Variants in TBC1D19 observed in about 807,000 individuals in gnomAD.
TBC1D19 encodes the protein TBC1 domain family member 19.
In TBC1D19, 60 loss-of-function variants were observed where a neutral mutation model predicts 89.0. The observed-to-expected ratio is 0.67, with a 90% confidence interval of 0.55 to 0.84. The LOEUF is 0.84. TBC1D19 is among the 40% of genes least tolerant of loss of function. TBC1D19 has a pLI of 0.00. For missense variants in TBC1D19, 500 were observed against 610.8 expected, an observed-to-expected ratio of 0.82 and a Z score of 1.91; for synonymous variants, 189 against 199.7, an observed-to-expected ratio of 0.95 and a Z score of 0.45.
the TBC1D19 span, among the ~76,000 whole-genome samples, chr4:26,783,404 A>T: frequency 6.6e-6 from 1 of 152,218 alleles, no homozygotes. Context: ...ACTGACAATG[A>T]CTTGCCATAT....
the TBC1D19 span, among the ~76,000 whole-genome samples, chr4:26,793,702 GAC>G: frequency 7.8e-6 from 1 of 127,658 alleles, no homozygotes; most frequent in South Asian, 2.6e-4. Flanking sequence ...CAGCCTGGGA[GAC>G]AGAGTGGGAC....
chr4:26,666,436 T>C, intron 9 of TBC1D19, 31 bp downstream of exon 9: 1 of 1,577,036 alleles, frequency 6.3e-7, no homozygotes, highest in South Asian at 1.1e-5. Context: ...ATATAATTAA[T>C]GATAAATGAG....
At chr4:26,778,310 G>T in the TBC1D19 span, among the ~76,000 whole-genome samples, 2 of 152,044 alleles carry the variant, frequency 1.3e-5, no homozygotes, top group Non-Finnish European at 2.9e-5. Flanking sequence ...CAGCTACTCG[G>T]GAGGCTGAGG....
At chr4:26,749,889 T>A (rs571805587) in intron 19 of TBC1D19, among the ~76,000 whole-genome samples, 289 of 152,286 alleles carry the variant, frequency 1.9e-3, no homozygotes, top group African/African-American at 6.6e-3. Flanking sequence ...TCAATTTTTT[T>A]AAAAACCTAT....
chr4:26,670,086 A>G (rs1352092413), intron 9 of TBC1D19, among the ~76,000 whole-genome samples: 2 of 151,688 alleles, frequency 1.3e-5, no homozygotes, highest in African/African-American at 4.8e-5. Flanking sequence ...CTGCAGTATT[A>G]CATCTGCTGT....
chr4:26,740,034 G>A, intron 17 of TBC1D19, 61 bp downstream of exon 17: 1 of 1,144,444 alleles, frequency 8.7e-7, no homozygotes, highest in East Asian at 2.8e-5. Flanking sequence ...CTTTCTTTCT[G>A]TTAAGAAAAA....
the TBC1D19 span, among the ~76,000 whole-genome samples, chr4:26,802,099 G>T: frequency 1.3e-5 from 2 of 151,940 alleles, no homozygotes; most frequent in African/African-American, 4.8e-5. Flanking sequence ...CCATCCCATA[G>T]GAACAAAAGC....
chr4:26,636,360 C>T (rs1743121441), intron 4 of TBC1D19, among the ~76,000 whole-genome samples: 1 of 151,388 alleles, frequency 6.6e-6, no homozygotes, highest in Non-Finnish European at 1.5e-5. Flanking sequence ...AACTTAATTT[C>T]CATGTTATAA....
the TBC1D19 span, among the ~76,000 whole-genome samples, chr4:26,836,218 G>A: frequency 2.6e-3 from 398 of 152,190 alleles, 3 homozygotes; most frequent in African/African-American, 9.2e-3. Context: ...TTAATTGTAC[G>A]TCTCCTCAAC....
At chr4:26,851,872 C>T in the TBC1D19 span, among the ~76,000 whole-genome samples, 26 of 152,288 alleles carry the variant, frequency 1.7e-4, no homozygotes, top group Middle Eastern at 3.4e-3. Context: ...TGTGCCACCA[C>T]GCTCAGCTAT....
At chr4:26,842,583 C>CCTCCCTTTCTTTCTTT in the TBC1D19 span, among the ~76,000 whole-genome samples, 3 of 70,610 alleles carry the variant, frequency 4.2e-5, no homozygotes, top group East Asian at 3.9e-4. Context: ...TTCCTCCCTC[C>CCTCCCTTTCTTTCTTT]CTTTCTTTCT....
rs149879100 is a variant in TBC1D19 at position 26,655,560 on chromosome 4, C to T, written c.481-4037C>T. 4.0e-3 allele frequency among the ~76,000 whole-genome samples: 613 copies of T among 152,348 alleles called. 2 individuals carry two copies. Among genetic ancestry groups the T allele is most frequent in the South Asian group, 0.026 (125 of 4,826 alleles). On this transcript the variant is annotated intron_variant, in intron 7 of 20. Transcript: ENST00000264866. ...TGGCTGCTTTGTTTACCTAGTCAAG[C>T]GTTGGCAATGGCACGCGCCCCTCTC...
At chr4:26,844,764 A>G in the TBC1D19 span, among the ~76,000 whole-genome samples, 1 of 152,122 alleles carries the variant, frequency 6.6e-6, no homozygotes, top group African/African-American at 2.4e-5. Context: ...TAATGGTACC[A>G]CTATTTTTTT....
the TBC1D19 span, among the ~76,000 whole-genome samples, chr4:26,821,820 G>A: frequency 1.3e-5 from 2 of 152,330 alleles, no homozygotes; most frequent in African/African-American, 2.4e-5. Flanking sequence ...TTCTTTATGT[G>A]TGGCAGACCT....
intron 3 of TBC1D19, among the ~76,000 whole-genome samples, chr4:26,619,000 G>A (rs1741867841): frequency 6.6e-6 from 1 of 152,078 alleles, no homozygotes; most frequent in East Asian, 1.9e-4. Flanking sequence ...ATTTTAGCTA[G>A]TTTTGTTCAC....
intron 1 of TBC1D19, among the ~76,000 whole-genome samples, chr4:26,595,540 A>G (rs1014876165): frequency 9.2e-5 from 14 of 152,060 alleles, no homozygotes; most frequent in African/African-American, 3.1e-4. Context: ...GATGTCTTAT[A>G]TTTCTATGTG....
chr4:26,596,764 C>G (rs1336801585), intron 1 of TBC1D19, among the ~76,000 whole-genome samples: 2 of 151,972 alleles, frequency 1.3e-5, no homozygotes, highest in African/African-American at 4.8e-5. Flanking sequence ...TGACTGCATT[C>G]CACAGTCCTA....
At chr4:26,736,419 A>C (rs1366527029) in intron 16 of TBC1D19, among the ~76,000 whole-genome samples, 2 of 146,636 alleles carry the variant, frequency 1.4e-5, no homozygotes, top group Non-Finnish European at 1.5e-5. Flanking sequence ...GGGGAGGGAT[A>C]GCATTGGGAG....
chr4:26,734,352 A>G (rs1717839824), intron 15 of TBC1D19, among the ~76,000 whole-genome samples: 1 of 152,202 alleles, frequency 6.6e-6, no homozygotes. Flanking sequence ...AAGCATTTCT[A>G]TATTATTTTT....
Sources: gnomAD v4.1 joint callset for allele counts (sites outside exome capture counted in the v4.1 genomes callset) on GRCh38, gnomAD v4.1.1 for gene constraint, MANE v1.5 for transcripts, NCBI Gene and HGNC (gene_info 2026-07-23, HGNC 2026-07-21) for gene names.